PTPN5: variants seen among roughly 807,000 people sequenced by gnomAD.
The protein encoded by PTPN5 is tyrosine-protein phosphatase non-receptor type 5.
In PTPN5, 29 loss-of-function variants were observed where a neutral mutation model predicts 73.9. The ratio of observed to expected loss-of-function variants is 0.39; its 90% CI spans 0.29 to 0.54. PTPN5 has a LOEUF of 0.54. Ranked by LOEUF, PTPN5 falls within the 20% of genes least tolerant of loss-of-function variation. The pLI is 0.65. For missense variants in PTPN5, 652 were observed against 751.4 expected, an observed-to-expected ratio of 0.87 and a Z score of 1.55; for synonymous variants, 267 against 304.7, an observed-to-expected ratio of 0.88 and a Z score of 1.29.
intron 3 of PTPN5, among the ~76,000 whole-genome samples, chr11:18,762,312 T>C (rs1398348191): frequency 1.3e-5 from 2 of 152,130 alleles, no homozygotes; most frequent in Non-Finnish European, 2.9e-5. Context: ...GAAAGAGTAC[T>C]TGAGGGCTGG....
At chr11:18,768,920 C>A (rs909339485) in intron 2 of PTPN5, among the ~76,000 whole-genome samples, 1 of 152,182 alleles carries the variant, frequency 6.6e-6, no homozygotes, top group Non-Finnish European at 1.5e-5. Context: ...ATTGCTAAGG[C>A]TCCTGCTCTC....
intron 1 of PTPN5, among the ~76,000 whole-genome samples, chr11:18,789,326 C>T (rs776598270): frequency 2.6e-5 from 4 of 152,124 alleles, no homozygotes; most frequent in African/African-American, 7.2e-5. Flanking sequence ...CCCACCCCAC[C>T]GCCAAATAGT....
chr11:18,736,317 G>A (rs61886900), intron 9 of PTPN5, among the ~76,000 whole-genome samples: 23,268 of 152,166 alleles, frequency 0.15, 1,846 homozygotes, highest in African/African-American at 0.21. Context: ...TGTCTACCAT[G>A]TGCCAGGCAG....
intron 1 of PTPN5, among the ~76,000 whole-genome samples, chr11:18,780,712 C>T (rs1851379449): frequency 6.6e-6 from 1 of 152,202 alleles, no homozygotes; most frequent in South Asian, 2.1e-4. Context: ...TGCTCCCTGG[C>T]TCTCTTGTCC....
Position 18,730,441 on chromosome 11 carries a change from T to C in PTPN5, c.1330-623A>G, listed in dbSNP as rs1434317243. 5.2e-5 allele frequency: 8 copies of C among 153,372 alleles called. No homozygotes were observed. The Admixed American group carries it at 5.2e-4, about 10-fold the overall frequency. 9.5% of individuals were successfully genotyped at this position (153,372 alleles called of 1,614,324 possible). A position where few individuals can be genotyped will look rare whatever the true frequency, so the allele number is the denominator to read the frequency against. On this transcript the variant is annotated intron_variant, in intron 12 of 14. Transcript: ENST00000358540. Reference sequence around the variant, plus strand: ...TGAAAACCTGTGGCTTTGGACTGAATGTGTGTGTCCCCTTAAGTTCACATG... The same window carrying C: ...TGAAAACCTGTGGCTTTGGACTGAACGTGTGTGTCCCCTTAAGTTCACATG...
At chr11:18,786,010 T>C (rs955229473) in intron 1 of PTPN5, among the ~76,000 whole-genome samples, 1 of 152,172 alleles carries the variant, frequency 6.6e-6, no homozygotes, top group African/African-American at 2.4e-5. Flanking sequence ...TGAGTCACGC[T>C]TGCTTCAATG....
chr11:18,740,113 A>ATT (rs1849295852), intron 8 of PTPN5, among the ~76,000 whole-genome samples: 1 of 152,226 alleles, frequency 6.6e-6, no homozygotes, highest in Non-Finnish European at 1.5e-5. Context: ...AAAGTCCAAT[A>ATT]GGAGGCAGCT....
intron 3 of PTPN5, among the ~76,000 whole-genome samples, chr11:18,762,867 G>C (rs1463548643): frequency 1.3e-5 from 2 of 152,206 alleles, no homozygotes; most frequent in Non-Finnish European, 2.9e-5. Context: ...CTGAGGTCCA[G>C]AGTCCCTGTT....
chr11:18,743,460 A>G, intron 4 of PTPN5, 31 bp from the exon 5 acceptor site: 3 of 1,594,218 alleles, frequency 1.9e-6, no homozygotes, highest in Non-Finnish European at 2.6e-6. Flanking sequence ...CTGAGTATGG[A>G]GCCGGCCCCC....
Position 18,733,715 on chromosome 11 carries a change from AC to A in PTPN5, c.1001-81del. The stretch of plus-strand genomic sequence containing the variant: ...CACTTGCTCTGGCCTATTCCAGCAT[AC>A]CCACACTTCTTCTGCGACATTAGCA... On this transcript the variant is annotated intron_variant, in intron 9 of 14. Coordinates refer to ENST00000358540, the MANE Select transcript of PTPN5 (RefSeq NM_006906.2). This position sits in a 1 kb window ranked among gnomAD's most constrained non-coding sequence, Gnocchi z 4.3. The A allele has an allele frequency of 8.2e-7, 1 of 1,215,810 alleles. No homozygotes were observed. Among genetic ancestry groups the A allele is most frequent in the Non-Finnish European group, 1.2e-6 (1 of 820,254 alleles). The allele number at this position is 1,215,810 out of a possible 1,614,324, so 75.3% of individuals were successfully genotyped here.
intron 1 of PTPN5, among the ~76,000 whole-genome samples, chr11:18,778,180 G>C (rs973059477): frequency 6.6e-6 from 1 of 152,144 alleles, no homozygotes; most frequent in African/African-American, 2.4e-5. Context: ...CTTTAAAATA[G>C]AGCAGCAGTA....
intron 3 of PTPN5, among the ~76,000 whole-genome samples, chr11:18,750,869 C>G (rs34840171): frequency 6.6e-6 from 1 of 151,978 alleles, no homozygotes; most frequent in East Asian, 1.9e-4. Flanking sequence ...GACTTGAACC[C>G]AGGTTGGTGG....
intron 1 of PTPN5, among the ~76,000 whole-genome samples, chr11:18,779,027 G>A (rs1305079597): frequency 6.6e-6 from 1 of 152,126 alleles, no homozygotes; most frequent in African/African-American, 2.4e-5. Context: ...GCTCCTCATT[G>A]CTTACAAGGC....
chr11:18,743,486 C>T, intron 4 of PTPN5, 57 bp from the exon 5 acceptor site: 2 of 1,495,462 alleles, frequency 1.3e-6, no homozygotes, highest in South Asian at 1.1e-5. Context: ...CCGTGTTCCC[C>T]CAGCAGAGCT....
chr11:18,735,204 G>A (rs1849061938), intron 9 of PTPN5, among the ~76,000 whole-genome samples: 1 of 152,196 alleles, frequency 6.6e-6, no homozygotes, highest in Admixed American at 6.5e-5. Context: ...AGAAATTGGG[G>A]AGGTAAAGGG....
chr11:18,743,189 G>T, intron 5 of PTPN5, 114 bp from the exon 6 acceptor site: 1 of 1,200,314 alleles, frequency 8.3e-7, no homozygotes, highest in Non-Finnish European at 1.2e-6. Context: ...GGGATGGGGA[G>T]CAGGCAGAAG....
chr11:18,754,138 T>C (rs1850020714), intron 3 of PTPN5, among the ~76,000 whole-genome samples: 1 of 152,052 alleles, frequency 6.6e-6, no homozygotes, highest in South Asian at 2.1e-4. Context: ...TGATGGAAGA[T>C]GCTCTAGAAA....
chr11:18,736,619 C>T (rs897250892), intron 9 of PTPN5, among the ~76,000 whole-genome samples: 1 of 152,198 alleles, frequency 6.6e-6, no homozygotes, highest in Non-Finnish European at 1.5e-5. Context: ...CTGCCCTCTG[C>T]ACCCCCCAAC....
chr11:18,752,521 G>C lies in PTPN5; in HGVS notation c.98-8322C>G, dbSNP rs553081725. On this transcript the variant is annotated intron_variant, in intron 3 of 14. Coordinates refer to ENST00000358540, the MANE Select transcript of PTPN5 (RefSeq NM_006906.2). ...CGGTGGATGGAGTGGGCATGGACTG[G>C]GGGTGGAGGAGTTTTGTCTCTGCCA... 1.2e-4 allele frequency among the ~76,000 whole-genome samples: 18 copies of C among 152,302 alleles called. No individual in the cohort carries two copies. In the South Asian group the frequency reaches 3.3e-3, roughly 28 times the overall value.
Sources: allele counts gnomAD v4.1 joint callset (sites outside exome capture counted in the v4.1 genomes callset), GRCh38; gene constraint gnomAD v4.1.1; non-coding constraint Gnocchi (gnomAD v3.1); transcripts MANE v1.5; gene names NCBI Gene and HGNC (gene_info 2026-07-23, HGNC 2026-07-21).